SHANK2: variants seen among roughly 807,000 people sequenced by gnomAD.
The protein encoded by SHANK2 is SH3 and multiple ankyrin repeat domains 2.
A neutral mutation model predicts 133.7 loss-of-function variants in SHANK2; 43 were observed. The ratio of observed to expected loss-of-function variants is 0.32; its 90% CI spans 0.25 to 0.41. The LOEUF is 0.41. Ranked by LOEUF, SHANK2 falls within the 10% of genes least tolerant of loss-of-function variation. The probability of loss-of-function intolerance (pLI) is 1.00; values close to 1 mark genes in which losing one functional copy is unlikely to be tolerated. For synonymous variants in SHANK2, 1,017 were observed against 952.8 expected (o/e 1.07, Z -1.24); for missense variants, 1,994 against 2,235.8 (o/e 0.89, Z 2.18).
chr11:70,472,763 G>A lies in SHANK2; in HGVS notation c.*106C>T. 9.0e-7 allele frequency: 1 copy of A among 1,116,628 alleles called. No homozygotes were observed. The highest frequency in any genetic ancestry group is 1.4e-6 in the Non-Finnish European group (1 of 729,098). The allele number at this position is 1,116,628 out of a possible 1,614,324, so 69.2% of individuals were successfully genotyped here. A position where few individuals can be genotyped will look rare whatever the true frequency, so the allele number is the denominator to read the frequency against. On this transcript the variant is annotated 3_prime_UTR_variant, in exon 26 of 26. Transcript: ENST00000601538. This position sits in a 1 kb window ranked among gnomAD's most constrained non-coding sequence, Gnocchi z 4.4. ...TTTGGGTACCAGGAGACAAACCCATGGAGTGGGGTTGATGCTCACAGACTT... is the reference window on the plus strand; with the variant it reads ...TTTGGGTACCAGGAGACAAACCCATAGAGTGGGGTTGATGCTCACAGACTT...
intron 17 of SHANK2, chr11:70,635,170 A>G (rs2134111657): frequency 6.6e-6 from 1 of 152,338 alleles, no homozygotes; most frequent in South Asian, 2.1e-4. Flanking sequence ...TAAACACAGA[A>G]CGAGCACGTG....
intron 12 of SHANK2, among the ~76,000 whole-genome samples, chr11:70,813,137 C>T (rs958084545): frequency 1.1e-4 from 17 of 152,142 alleles, no homozygotes; most frequent in Middle Eastern, 3.4e-3. Context: ...AGGGAGCTGA[C>T]GGTCAACTGG....
At chr11:70,735,197 C>T (rs1330038927) in intron 14 of SHANK2, among the ~76,000 whole-genome samples, 1 of 152,152 alleles carries the variant, frequency 6.6e-6, no homozygotes, top group Non-Finnish European at 1.5e-5. Context: ...CCAAGAGAGG[C>T]GGCGGGGACT....
chr11:70,886,942 G>T (rs1324618590), intron 11 of SHANK2, among the ~76,000 whole-genome samples: 1 of 152,132 alleles, frequency 6.6e-6, no homozygotes, highest in African/African-American at 2.4e-5. Flanking sequence ...CATAGCTGCG[G>T]AAGGACAAGA....
chr11:71,163,097 C>CATATATATATATATATATATAT (rs11271716), intron 2 of SHANK2, among the ~76,000 whole-genome samples: 1 of 100,114 alleles, frequency 1.0e-5, no homozygotes, highest in South Asian at 3.9e-4. Flanking sequence ...AAAAAAAATA[C>CATATATATATATATATATATAT]ATATATATAT....
At chr11:70,490,974 A>C (rs2058879307) in intron 22 of SHANK2, among the ~76,000 whole-genome samples, 1 of 152,176 alleles carries the variant, frequency 6.6e-6, no homozygotes, top group Non-Finnish European at 1.5e-5. Flanking sequence ...CACAGCCTGG[A>C]GTCTGCAGCA....
chr11:71,241,267 A>G (rs1954886936), intron 1 of SHANK2, among the ~76,000 whole-genome samples: 1 of 152,184 alleles, frequency 6.6e-6, no homozygotes, highest in African/African-American at 2.4e-5. Context: ...AGAAAGAATA[A>G]AATGCGGTTA....
At chr11:70,859,596 T>A (rs538914765) in intron 11 of SHANK2, among the ~76,000 whole-genome samples, 3 of 152,234 alleles carry the variant, frequency 2.0e-5, no homozygotes, top group African/African-American at 7.2e-5. Flanking sequence ...ATGAATGACA[T>A]CATAGGTAGA....
chr11:71,152,902 C>T (rs1952824357), intron 2 of SHANK2, among the ~76,000 whole-genome samples: 1 of 152,130 alleles, frequency 6.6e-6, no homozygotes, highest in Non-Finnish European at 1.5e-5. Context: ...TTATTAACTC[C>T]CGGGGAGAGC....
chr11:70,727,596 T>A (rs544534941), intron 14 of SHANK2, among the ~76,000 whole-genome samples: 1 of 152,334 alleles, frequency 6.6e-6, no homozygotes, highest in African/African-American at 2.4e-5. Flanking sequence ...AGACTGTTCC[T>A]CTTGCTAGGT....
chr11:70,814,337 A>G (rs1948344037), intron 12 of SHANK2, among the ~76,000 whole-genome samples: 1 of 151,518 alleles, frequency 6.6e-6, no homozygotes, highest in Non-Finnish European at 1.5e-5. Context: ...AAAAAAAAAA[A>G]AGAAAGTCAG....
At chr11:70,549,878 C>T (rs2059742722) in intron 17 of SHANK2, among the ~76,000 whole-genome samples, 1 of 152,272 alleles carries the variant, frequency 6.6e-6, no homozygotes, top group African/African-American at 2.4e-5. Context: ...TTGCGAAAGA[C>T]ACAGCGAAGC....
At chr11:70,624,060 G>A (rs557096650) in intron 17 of SHANK2, among the ~76,000 whole-genome samples, 1 of 152,256 alleles carries the variant, frequency 6.6e-6, no homozygotes, top group East Asian at 1.9e-4. Context: ...TGCAGGGAGG[G>A]GCAGCCTTGG....
intron 14 of SHANK2, among the ~76,000 whole-genome samples, chr11:70,788,742 A>G (rs1346751492): frequency 6.6e-6 from 1 of 152,074 alleles, no homozygotes; most frequent in African/African-American, 2.4e-5. Context: ...ATTTGGGAGG[A>G]GGAGATTTAA....
At chr11:70,677,494 C>G (rs1479097324) in intron 15 of SHANK2, among the ~76,000 whole-genome samples, 2 of 152,182 alleles carry the variant, frequency 1.3e-5, no homozygotes, top group Non-Finnish European at 2.9e-5. Context: ...CACTGATGCC[C>G]TGTCTTTGTG....
rs532584885 is a variant in SHANK2, at chr11:70,498,546, C to T, written c.2308+2024G>A. ...CCCACCCCAAATCCTGCCTGACAGC[C>T]GGCTTCTTCCTGAGCCCAGCACAGG... On this transcript the variant is annotated intron_variant, in intron 21 of 25. Transcript: ENST00000601538. Among the ~76,000 whole-genome samples, 22 of 152,346 alleles carry T rather than the reference C, an allele frequency of 1.4e-4. No individual in the cohort carries two copies. The East Asian group carries it at 1.5e-3, about 11-fold the overall frequency.
chr11:70,810,511 C>T (rs1251192047), intron 12 of SHANK2, among the ~76,000 whole-genome samples: 4 of 152,206 alleles, frequency 2.6e-5, no homozygotes, highest in Non-Finnish European at 5.9e-5. Context: ...GGTCAGAATC[C>T]CTCCTCTCCT....
At chr11:70,924,977 C>G (rs1950407064) in intron 10 of SHANK2, among the ~76,000 whole-genome samples, 1 of 152,166 alleles carries the variant, frequency 6.6e-6, no homozygotes, top group Non-Finnish European at 1.5e-5. Flanking sequence ...TCCGGGCTCA[C>G]AGGGGGGCAG....
At chr11:70,519,758 C>T (rs1201917450) in intron 17 of SHANK2, among the ~76,000 whole-genome samples, 1 of 151,948 alleles carries the variant, frequency 6.6e-6, no homozygotes, top group African/African-American at 2.4e-5. Context: ...TTTATTGAAA[C>T]GGGGTCTTAT....
Sources: gnomAD v4.1 joint callset for allele counts (sites outside exome capture counted in the v4.1 genomes callset) on GRCh38, gnomAD v4.1.1 for gene constraint, Gnocchi (gnomAD v3.1) non-coding constraint, MANE v1.5 for transcripts, NCBI Gene and HGNC (gene_info 2026-07-23, HGNC 2026-07-21) for gene names.